Variants in WWOX observed in about 807,000 individuals in gnomAD.
The protein encoded by WWOX is WW domain containing oxidoreductase, also known as WW domain-containing oxidoreductase.
WWOX carries 69 observed loss-of-function variants against 46.2 expected under a neutral mutation model. The observed-to-expected ratio is 1.49, with a 90% CI of 1.23 to 1.82. The LOEUF (loss-of-function observed/expected upper bound fraction) is 1.82. WWOX is among the 40% of genes most tolerant of loss of function. The probability of loss-of-function intolerance (pLI) is 0.00; values close to 1 mark genes in which losing one functional copy is unlikely to be tolerated. For synonymous variants in WWOX, 359 were observed against 202.6 expected, an observed-to-expected ratio of 1.77 and a Z score of -6.56; for missense variants, 919 against 542.6, an observed-to-expected ratio of 1.69 and a Z score of -6.89.
At chr16:78,543,959 A>G (rs1193970042) in intron 8 of WWOX, among the ~76,000 whole-genome samples, 2 of 152,336 alleles carry the variant, frequency 1.3e-5, no homozygotes, top group Middle Eastern at 3.4e-3. Context: ...AAAAGAGGTT[A>G]TGATTAGAAT....
intron 8 of WWOX, among the ~76,000 whole-genome samples, chr16:78,649,090 C>G (rs943027464): frequency 6.6e-6 from 1 of 152,168 alleles, no homozygotes; most frequent in Non-Finnish European, 1.5e-5. Flanking sequence ...TCTCCTGCCT[C>G]AGTCTCCCAA....
intron 8 of WWOX, among the ~76,000 whole-genome samples, chr16:78,470,954 C>T: frequency 6.6e-6 from 1 of 152,306 alleles, no homozygotes; most frequent in East Asian, 1.9e-4. Context: ...GGCTGTATGA[C>T]AGATTCTAGC....
At chr16:78,570,497 T>C (rs968971350) in intron 8 of WWOX, among the ~76,000 whole-genome samples, 3 of 152,084 alleles carry the variant, frequency 2.0e-5, no homozygotes, top group Admixed American at 2.0e-4. Flanking sequence ...TTTTCTTTTA[T>C]AGAGATGCAG....
At chr16:78,727,684 A>G (rs1030475029) in intron 8 of WWOX, among the ~76,000 whole-genome samples, 1 of 152,118 alleles carries the variant, frequency 6.6e-6, no homozygotes, top group Non-Finnish European at 1.5e-5. Context: ...AGCTTCTTTC[A>G]GTAACAACTG....
At chr16:78,234,470 C>A (rs995599116) in intron 5 of WWOX, among the ~76,000 whole-genome samples, 1 of 152,080 alleles carries the variant, frequency 6.6e-6, no homozygotes, top group East Asian at 1.9e-4. Flanking sequence ...TGTTTTTGTA[C>A]GTCTCTGCAG....
At chr16:78,929,019 T>C (rs1208476258) in intron 8 of WWOX, among the ~76,000 whole-genome samples, 3 of 152,190 alleles carry the variant, frequency 2.0e-5, no homozygotes, top group East Asian at 1.9e-4. Context: ...CGTTCACATA[T>C]AGTTACATTA....
rs59612285 is a variant in WWOX, at chr16:78,606,718, GTTTTTTTT to G, written c.1056+173983_1056+173990del. ...GAAAGGGCATTTCCCCAGAATTGCA[GTTTTTTTT>G]TTTTTTTTTTTTTTTTAAATAGGGG... On this transcript the variant is annotated intron_variant, in intron 8 of 8. Coordinates refer to ENST00000566780, the MANE Select transcript of WWOX (RefSeq NM_016373.4). 5.0e-3 allele frequency among the ~76,000 whole-genome samples: 605 copies of G among 121,066 alleles called. 9 individuals carry two copies. Among genetic ancestry groups the G allele is most frequent in the East Asian group, 0.03 (129 of 4,254 alleles). 79.4% of individuals were successfully genotyped at this position (121,066 alleles called of 152,430 possible). A position where few individuals can be genotyped will look rare whatever the true frequency, so the allele number is the denominator to read the frequency against.
intron 5 of WWOX, among the ~76,000 whole-genome samples, chr16:78,189,036 C>A (rs2035798336): frequency 6.6e-6 from 1 of 152,148 alleles, no homozygotes; most frequent in South Asian, 2.1e-4. Flanking sequence ...AAGGTCATGC[C>A]TGAGGCCCAA....
At chr16:79,016,851 G>A (rs2151381143) in intron 8 of WWOX, 1 of 152,276 alleles carries the variant, frequency 6.6e-6, no homozygotes, top group Admixed American at 6.5e-5. Context: ...TGTTAACTGA[G>A]TTTCGATAAC....
intron 5 of WWOX, among the ~76,000 whole-genome samples, chr16:78,311,776 A>G (rs1050441589): frequency 9.5e-6 from 1 of 105,130 alleles, no homozygotes; most frequent in African/African-American, 4.1e-5. Flanking sequence ...AATTATTTTT[A>G]AAAAGCAGCC....
intron 5 of WWOX, among the ~76,000 whole-genome samples, chr16:78,210,887 AC>A (rs1360746978): frequency 6.6e-6 from 1 of 152,208 alleles, no homozygotes; most frequent in Admixed American, 6.5e-5. Flanking sequence ...AATCTATCCT[AC>A]TACCAAATTT....
intron 4 of WWOX, among the ~76,000 whole-genome samples, chr16:78,144,429 C>A (rs1305677617): frequency 6.5e-5 from 1 of 15,400 alleles, no homozygotes; most frequent in South Asian, 2.8e-3. Flanking sequence ...TTTGCCATTA[C>A]TATATATATA....
At chr16:78,623,567 C>G (rs1395441282) in intron 8 of WWOX, among the ~76,000 whole-genome samples, 6 of 151,920 alleles carry the variant, frequency 3.9e-5, no homozygotes, top group African/African-American at 1.5e-4. Context: ...GTAGTCCCAG[C>G]GACTTGAGAG....
chr16:78,991,219 C>T (rs1003635279), intron 8 of WWOX, among the ~76,000 whole-genome samples: 11 of 152,266 alleles, frequency 7.2e-5, no homozygotes, highest in Non-Finnish European at 1.2e-4. Context: ...AGGAGTCACC[C>T]TGAACTATTT....
At position 78,196,983 on chromosome 16, in the gene WWOX, A is replaced by G. The variant is rs532233593; in HGVS notation, c.516+32694A>G. Among the ~76,000 whole-genome samples, 3 of 152,342 alleles carry G rather than the reference A, an allele frequency of 2.0e-5. No individual in the cohort carries two copies. The South Asian group carries it at 6.2e-4, about 32-fold the overall frequency. ...AATTCCTTCCCACACAGAAGAGAGA[A>G]TTACTTGTCTAATATATAATTTCAG... On this transcript the variant is annotated intron_variant, in intron 5 of 8. Transcript: ENST00000566780.
intron 8 of WWOX, among the ~76,000 whole-genome samples, chr16:78,444,557 G>A (rs976095730): frequency 6.9e-6 from 1 of 144,200 alleles, no homozygotes; most frequent in African/African-American, 2.7e-5. Flanking sequence ...TTGAGGTGGA[G>A]TCTCACTCTG....
At chr16:78,598,258 G>T (rs530845468) in intron 8 of WWOX, among the ~76,000 whole-genome samples, 5 of 152,166 alleles carry the variant, frequency 3.3e-5, no homozygotes, top group Non-Finnish European at 5.9e-5. Flanking sequence ...TCTAGAACCA[G>T]TTAAAACCAC....
At chr16:78,250,162 A>G (rs370566855) in intron 5 of WWOX, among the ~76,000 whole-genome samples, 132 of 152,250 alleles carry the variant, frequency 8.7e-4, no homozygotes, top group African/African-American at 1.5e-3. Context: ...GTAATCTCCA[A>G]TTTAGGGGGC....
intron 8 of WWOX, among the ~76,000 whole-genome samples, chr16:79,210,679 C>A (rs2051701313): frequency 6.6e-6 from 1 of 152,128 alleles, no homozygotes; most frequent in South Asian, 2.1e-4. Flanking sequence ...ACGTGCCGAC[C>A]ATGTCTCCCT....
Sources: gnomAD v4.1 joint callset for allele counts (sites outside exome capture counted in the v4.1 genomes callset) on GRCh38, gnomAD v4.1.1 for gene constraint, MANE v1.5 for transcripts, NCBI Gene and HGNC (gene_info 2026-07-23, HGNC 2026-07-21) for gene names.